AGBL3: variants seen among roughly 807,000 people sequenced by gnomAD.
AGBL3 encodes the protein cytosolic carboxypeptidase 3.
AGBL3 carries 68 observed loss-of-function variants against 94.5 expected under a neutral mutation model. The ratio of observed to expected loss-of-function variants is 0.72; its 90% CI spans 0.59 to 0.88. The LOEUF is 0.88. Among genes scored for constraint, AGBL3 ranks in the 40% least tolerant of loss-of-function variants. AGBL3 has a pLI of 0.00. For synonymous variants in AGBL3, 354 were observed against 370.7 expected (o/e 0.95, Z 0.52); for missense variants, 934 against 1,103.8 (o/e 0.85, Z 2.18).
At chr7:135,027,174 G>A (rs757760819) in intron 5 of AGBL3, among the ~76,000 whole-genome samples, 3 of 151,368 alleles carry the variant, frequency 2.0e-5, no homozygotes, top group Non-Finnish European at 4.4e-5. Flanking sequence ...TCAGCCTCCT[G>A]AGAAGCTGGG....
In AGBL3 at chr7:135,080,231, GACAC is replaced by G; in HGVS notation, c.2015_2018del (p.Thr672AsnfsTer6). The G allele has an allele frequency of 6.5e-7, 1 of 1,549,624 alleles. No homozygotes were observed. Among genetic ancestry groups the G allele is most frequent in the Non-Finnish European group, 8.7e-7 (1 of 1,145,470 alleles). ...TATGATAGAGGGCATTTGCTGCAAA[GACAC>G]ACACAATCAAATTCTGATGTGAAAG... On this transcript the variant is annotated frameshift_variant, in exon 14 of 17. Transcript: ENST00000436302. LOFTEE classifies it high-confidence loss of function.
intron 16 of AGBL3, among the ~76,000 whole-genome samples, chr7:135,124,947 G>A (rs760941489): frequency 2.0e-5 from 3 of 152,004 alleles, no homozygotes; most frequent in Admixed American, 2.0e-4. Context: ...ATCAGAAAGC[G>A]AGAAAGATCT....
In AGBL3 at chr7:135,026,258, T is replaced by TTTTATTTTATTTTATTTTA. The variant is rs1554497690; in HGVS notation, c.419-6582_419-6564dup. On this transcript the variant is annotated intron_variant, in intron 5 of 16. Transcript: ENST00000436302. ...AAATGAATACCATTATTTTATTTTA[T>TTTTATTTTATTTTATTTTA]TTTATTTTATTTTATTTTATTTTAT... Among the ~76,000 whole-genome samples the TTTTATTTTATTTTATTTTA allele has an allele frequency of 2.0e-3, 115 of 58,380 alleles. 1 individual carries two copies. The highest frequency in any genetic ancestry group is 5.3e-3 in the African/African-American group (110 of 20,850). 38.3% of individuals were successfully genotyped at this position (58,380 alleles called of 152,430 possible). A position where few individuals can be genotyped will look rare whatever the true frequency, so the allele number is the denominator to read the frequency against.
In AGBL3 at chr7:135,070,629, T is replaced by C. The variant is rs571945466; in HGVS notation, c.1909-5768T>C. Among the ~76,000 whole-genome samples, 3 of 152,230 alleles carry C rather than the reference T, an allele frequency of 2.0e-5. No individual in the cohort carries two copies. In the South Asian group the frequency reaches 6.2e-4, roughly 32 times the overall value. ...AACAGAACCAACGACAAAAACCATA[T>C]GATTATCTCAATAGATGCAGAAAAG... On this transcript the variant is annotated intron_variant, in intron 12 of 16. Transcript: ENST00000436302.
rs574849039 is a variant in AGBL3 at position 135,069,633 on chromosome 7, C to A, written c.1909-6764C>A. Among the ~76,000 whole-genome samples the A allele has an allele frequency of 2.3e-4, 35 of 152,142 alleles. No homozygotes were observed. In the East Asian group the frequency reaches 4.8e-3, roughly 21 times the overall value. ...CCTGCTCCTGAATGACTACTGGGTACATAAGAAATGAAGGCAGAAATAAAG... is the reference window on the plus strand; with the variant it reads ...CCTGCTCCTGAATGACTACTGGGTAAATAAGAAATGAAGGCAGAAATAAAG... On this transcript the variant is annotated intron_variant, in intron 12 of 16. Coordinates refer to ENST00000436302, the MANE Select transcript of AGBL3 (RefSeq NM_178563.4).
intron 4 of AGBL3, among the ~76,000 whole-genome samples, chr7:135,008,802 C>T (rs975540806): frequency 6.6e-6 from 1 of 152,048 alleles, no homozygotes; most frequent in African/African-American, 2.4e-5. Flanking sequence ...ATTAAAAAGA[C>T]AAATTTTAAA....
intron 4 of AGBL3, among the ~76,000 whole-genome samples, chr7:135,014,482 T>A (rs1010610958): frequency 2.0e-5 from 3 of 152,128 alleles, no homozygotes; most frequent in Non-Finnish European, 4.4e-5. Flanking sequence ...CAAAGATAAA[T>A]CTGAGAACAG....
chr7:134,989,452 C>G, intron 3 of AGBL3, 142 bp downstream of exon 3: 2 of 578,374 alleles, frequency 3.5e-6, no homozygotes, highest in Non-Finnish European at 5.6e-6. Context: ...TATCTACTTG[C>G]AGAGTTCAAA....
intron 5 of AGBL3, among the ~76,000 whole-genome samples, chr7:135,023,381 C>T (rs150464786): frequency 1.2e-3 from 181 of 152,204 alleles, no homozygotes; most frequent in African/African-American, 4.0e-3. Flanking sequence ...TGCTGAATGC[C>T]GGGGCTAGTT....
At position 135,080,231 on chromosome 7, in the gene AGBL3, G is replaced by GAC; in HGVS notation, c.2017_2018dup (p.Gln673HisfsTer7). 6.5e-7 allele frequency: 1 copy of GAC among 1,549,624 alleles called. No individual in the cohort carries two copies. On this transcript the variant is annotated frameshift_variant, in exon 14 of 17. Transcript: ENST00000436302. LOFTEE classifies it high-confidence loss of function. ...TATGATAGAGGGCATTTGCTGCAAA[G>GAC]ACACACACAATCAAATTCTGATGTG...
intron 16 of AGBL3, among the ~76,000 whole-genome samples, chr7:135,123,481 C>T (rs538944884): frequency 6.6e-6 from 1 of 152,282 alleles, no homozygotes; most frequent in South Asian, 2.1e-4. Context: ...ATGATATTAT[C>T]CAGGAGAACT....
At chr7:135,019,289 G>C (rs183612221) in intron 5 of AGBL3, among the ~76,000 whole-genome samples, 3 of 152,206 alleles carry the variant, frequency 2.0e-5, no homozygotes, top group African/African-American at 7.2e-5. Flanking sequence ...ACTTTCATCT[G>C]TGGAAATCCT....
rs777848723 is a variant in AGBL3 at position 135,034,300 on chromosome 7, C to T, written c.709C>T (p.Arg237Trp). The stretch of plus-strand genomic sequence containing the variant: ...CACCAAACCTGCTAGTCTTTACAGT[C>T]GGGGTATGCGCCCACTGTTCTATTC... Reference protein sequence around the residue: ...NFTKPASLYSRGMRPLFYSEK... With the variant: ...NFTKPASLYSWGMRPLFYSEK... Residue 237 changes from arginine (R) to tryptophan (W), a missense_variant, in exon 7 of 17, where the codon CGG (arginine) becomes TGG (tryptophan). By Grantham distance (101) the Arg-to-Trp change is moderately radical (BLOSUM62 -3). Around this residue, in one of 3 missense-constraint regions of AGBL3, gnomAD observed 488 missense variants for 563.6 expected, o/e 0.87. Coordinates refer to ENST00000436302, the MANE Select transcript of AGBL3 (RefSeq NM_178563.4). 19 of 1,551,530 alleles carry T rather than the reference C, an allele frequency of 1.2e-5. No homozygotes were observed. The highest frequency in any genetic ancestry group is 9.5e-5 in the South Asian group (8 of 84,024).
At chr7:135,009,585 G>C (rs1812845708) in intron 4 of AGBL3, among the ~76,000 whole-genome samples, 1 of 152,078 alleles carries the variant, frequency 6.6e-6, no homozygotes, top group South Asian at 2.1e-4. Flanking sequence ...TCCATAAAGG[G>C]AGATGCATAG....
At chr7:135,120,660 T>G (rs1421382016) in intron 16 of AGBL3, among the ~76,000 whole-genome samples, 1 of 152,184 alleles carries the variant, frequency 6.6e-6, no homozygotes, top group Admixed American at 6.5e-5. Flanking sequence ...ACAGAATGAA[T>G]TTTAAAACAT....
intron 4 of AGBL3, among the ~76,000 whole-genome samples, chr7:135,009,862 G>T (rs961955997): frequency 6.6e-6 from 1 of 152,204 alleles, no homozygotes; most frequent in Non-Finnish European, 1.5e-5. Context: ...TCTGCCTTCA[G>T]TGGGCAACTA....
At chr7:135,012,455 A>G (rs1478401273) in intron 4 of AGBL3, 2 of 152,272 alleles carry the variant, frequency 1.3e-5, no homozygotes, top group African/African-American at 4.8e-5. Flanking sequence ...AGTAAGCTGT[A>G]GTTCTTTGTT....
intron 16 of AGBL3, among the ~76,000 whole-genome samples, chr7:135,119,031 T>C (rs1826736348): frequency 1.3e-5 from 2 of 152,112 alleles, no homozygotes; most frequent in Non-Finnish European, 2.9e-5. Flanking sequence ...TGTAGGACTA[T>C]AAGACAAAAT....
rs1816417677 is a variant in AGBL3, at chr7:135,037,406, T to C, written c.1338-12T>C. On this transcript the variant is annotated splice_polypyrimidine_tract_variant and intron_variant, in intron 7 of 16. Coordinates refer to ENST00000436302, the MANE Select transcript of AGBL3 (RefSeq NM_178563.4). ...GAGATAAAAGTTAGTAACTTATCTT[T>C]CTTCCTGGCAGACTGATGGAGAAAC... The C allele has an allele frequency of 3.9e-6, 6 of 1,533,100 alleles. No homozygotes were observed. Among genetic ancestry groups the C allele is most frequent in the Non-Finnish European group, 5.3e-6 (6 of 1,140,682 alleles). The allele number at this position is 1,533,100 out of a possible 1,614,324, so 95.0% of individuals were successfully genotyped here.
Sources: gnomAD v4.1 joint callset for allele counts (sites outside exome capture counted in the v4.1 genomes callset) on GRCh38, gnomAD v4.1.1 for gene constraint, gnomAD v4.1.1 regional missense constraint, MANE v1.5 for transcripts, NCBI Gene and HGNC (gene_info 2026-07-23, HGNC 2026-07-21) for gene names.